The following DHX15 variants were observed in gnomAD, a reference collection of about 807,000 sequenced individuals.
DHX15 encodes the protein ATP-dependent RNA helicase DHX15.
In DHX15, 11 loss-of-function variants were observed where a neutral mutation model predicts 94.4. That is an observed-to-expected ratio of 0.12 (90% CI 0.07 to 0.19). The LOEUF is 0.19. Among genes scored for constraint, DHX15 ranks in the 10% least tolerant of loss-of-function variants. DHX15 has a pLI of 1.00. For synonymous variants in DHX15, 338 were observed against 329.9 expected, an observed-to-expected ratio of 1.02 and a Z score of -0.27; for missense variants, 304 against 988.5, an observed-to-expected ratio of 0.31 and a Z score of 9.29.
intron 8 of DHX15, among the ~76,000 whole-genome samples, chr4:24,541,616 T>C (rs1006563912): frequency 2.0e-5 from 3 of 152,106 alleles, no homozygotes; most frequent in Non-Finnish European, 4.4e-5. Context: ...AAGATATTTA[T>C]ACATAGTATA....
chr4:24,528,052 G>A lies in DHX15; in HGVS notation c.2271-11C>T. 1.9e-6 allele frequency: 3 copies of A among 1,598,064 alleles called. No individual in the cohort carries two copies. Among genetic ancestry groups the A allele is most frequent in the Admixed American group, 1.7e-5 (1 of 59,940 alleles). Reference sequence around the variant, plus strand: ...GCAATTTTCACCAACCTGTTTAGAAGTGGGCAGAAAAATTTCCAAATTAAC... The same window carrying A: ...GCAATTTTCACCAACCTGTTTAGAAATGGGCAGAAAAATTTCCAAATTAAC... On this transcript the variant is annotated splice_polypyrimidine_tract_variant and intron_variant, in intron 13 of 13. Transcript: ENST00000336812.
At chr4:24,531,679 A>G (rs1336925459) in intron 12 of DHX15, among the ~76,000 whole-genome samples, 1 of 151,984 alleles carries the variant, frequency 6.6e-6, no homozygotes, top group Non-Finnish European at 1.5e-5. Context: ...TGATTGCACC[A>G]CTGCACTCCA....
At chr4:24,555,089 A>T in intron 4 of DHX15, 146 bp from the exon 5 acceptor site, 1 of 531,638 alleles carries the variant, frequency 1.9e-6, no homozygotes, top group South Asian at 3.3e-5. Context: ...AAAATCAAAT[A>T]CATAATGGCT....
chr4:24,570,984 A>G lies in DHX15; in HGVS notation c.508-137T>C, dbSNP rs1722108828. 4 of 880,466 alleles carry G rather than the reference A, an allele frequency of 4.5e-6. No individual in the cohort carries two copies. In the South Asian group the frequency reaches 5.4e-5, roughly 12 times the overall value. 54.5% of individuals were successfully genotyped at this position (880,466 alleles called of 1,614,324 possible). Reference sequence around the variant, plus strand: ...AAATGACTATAAGACTTGTGATTCAAAACTTGTAACAACACAAGCTCTCTA... The same window carrying G: ...AAATGACTATAAGACTTGTGATTCAGAACTTGTAACAACACAAGCTCTCTA... On this transcript the variant is annotated intron_variant, in intron 2 of 13. Coordinates refer to ENST00000336812, the MANE Select transcript of DHX15 (RefSeq NM_001358.3).
At chr4:24,555,262 CCATT>C (rs1011771912) in intron 4 of DHX15, among the ~76,000 whole-genome samples, 23 of 150,884 alleles carry the variant, frequency 1.5e-4, no homozygotes, top group African/African-American at 5.6e-4. Context: ...ATTATTGCTA[CCATT>C]ATTAAAACAA....
intron 5 of DHX15, among the ~76,000 whole-genome samples, chr4:24,551,552 A>C (rs2109404501): frequency 6.6e-6 from 1 of 152,314 alleles, no homozygotes; most frequent in Non-Finnish European, 1.5e-5. Flanking sequence ...CCTCCTTTGA[A>C]ATCTCAAGTT....
Position 24,540,427 on chromosome 4 carries a change from C to T in DHX15, c.1595-128G>A, listed in dbSNP as rs1721284967. 3 of 745,578 alleles carry T rather than the reference C, an allele frequency of 4.0e-6. No homozygotes were observed. The East Asian group carries it at 8.3e-5, about 21-fold the overall frequency. 46.2% of individuals were successfully genotyped at this position (745,578 alleles called of 1,614,324 possible). ...ACCAAACTCAAACTCAAACTGTCATCCAATTCAATTATACAGATCTAGCAA... is the reference window on the plus strand; with the variant it reads ...ACCAAACTCAAACTCAAACTGTCATTCAATTCAATTATACAGATCTAGCAA... On this transcript the variant is annotated intron_variant, in intron 9 of 13. Transcript: ENST00000336812.
chr4:24,557,799 G>A (rs1035396860), intron 3 of DHX15, among the ~76,000 whole-genome samples: 1 of 152,050 alleles, frequency 6.6e-6, no homozygotes, highest in East Asian at 1.9e-4. Context: ...GCCCTTAGCT[G>A]CTTTGAAATT....
intron 12 of DHX15, among the ~76,000 whole-genome samples, chr4:24,532,065 T>C (rs1402947852): frequency 6.6e-6 from 1 of 152,192 alleles, no homozygotes; most frequent in Non-Finnish European, 1.5e-5. Flanking sequence ...TAGAAGAGAC[T>C]TATCCCAAAT....
At chr4:24,575,402 T>A (rs181332686) in intron 2 of DHX15, among the ~76,000 whole-genome samples, 10 of 152,364 alleles carry the variant, frequency 6.6e-5, no homozygotes, top group Admixed American at 2.6e-4. Flanking sequence ...AAACCAGAAA[T>A]TTTTAATTGA....
chr4:24,538,751 C>A (rs1454442149), intron 10 of DHX15: 1 of 151,792 alleles, frequency 6.6e-6, no homozygotes, highest in East Asian at 1.9e-4. Context: ...TTTTTAATTA[C>A]AAATAAAACT....
chr4:24,549,636 G>A (rs1290138205), intron 5 of DHX15, among the ~76,000 whole-genome samples: 2 of 152,190 alleles, frequency 1.3e-5, no homozygotes, highest in Non-Finnish European at 2.9e-5. Context: ...TTCTGTTGTT[G>A]TGTAAACATT....
intron 3 of DHX15, among the ~76,000 whole-genome samples, chr4:24,569,652 A>G (rs984931703): frequency 2.0e-5 from 3 of 151,184 alleles, no homozygotes; most frequent in Non-Finnish European, 4.4e-5. Context: ...TTAACACTAT[A>G]TATCTCTCTG....
intron 4 of DHX15, among the ~76,000 whole-genome samples, chr4:24,555,628 T>C (rs77133676): frequency 0.054 from 8,172 of 152,168 alleles, 338 homozygotes; most frequent in African/African-American, 0.11. Context: ...CTATAACACT[T>C]GTATCAACAA....
chr4:24,574,536 G>C (rs1182512216), intron 2 of DHX15, among the ~76,000 whole-genome samples: 1 of 152,062 alleles, frequency 6.6e-6, no homozygotes, highest in Non-Finnish European at 1.5e-5. Flanking sequence ...TCTCTGAAAT[G>C]AGGCTACCCA....
intron 3 of DHX15, among the ~76,000 whole-genome samples, chr4:24,559,725 A>G (rs549385600): frequency 1.3e-5 from 2 of 152,310 alleles, no homozygotes; most frequent in African/African-American, 4.8e-5. Context: ...GTTTTAGGGC[A>G]GAGATGCTCT....
intron 3 of DHX15, among the ~76,000 whole-genome samples, chr4:24,567,009 C>A (rs913624302): frequency 6.6e-6 from 1 of 152,096 alleles, no homozygotes; most frequent in Non-Finnish European, 1.5e-5. Context: ...CCTAGTACTG[C>A]CCAACACATA....
chr4:24,536,219 C>T (rs901757813), intron 11 of DHX15, among the ~76,000 whole-genome samples: 1 of 152,086 alleles, frequency 6.6e-6, no homozygotes, highest in African/African-American at 2.4e-5. Context: ...AAAGCTAGAA[C>T]AATTACTTCA....
intron 1 of DHX15, among the ~76,000 whole-genome samples, chr4:24,577,429 T>G (rs1388356612): frequency 1.3e-5 from 2 of 152,206 alleles, no homozygotes; most frequent in Non-Finnish European, 2.9e-5. Flanking sequence ...AAAACTTTTA[T>G]TCCTTCTTGC....
Sources: gnomAD v4.1 joint callset for allele counts (sites outside exome capture counted in the v4.1 genomes callset) on GRCh38, gnomAD v4.1.1 for gene constraint, MANE v1.5 for transcripts, NCBI Gene and HGNC (gene_info 2026-07-23, HGNC 2026-07-21) for gene names.